ACTR3: variants seen among roughly 807,000 people sequenced by gnomAD.
The protein encoded by ACTR3 is actin-related protein 3.
A neutral mutation model predicts 56.8 loss-of-function variants in ACTR3; 12 were observed. That is an observed-to-expected ratio of 0.21 (90% CI 0.14 to 0.34). The LOEUF is 0.34. Among genes scored for constraint, ACTR3 ranks in the 10% least tolerant of loss-of-function variants. ACTR3 has a pLI of 1.00. For missense variants in ACTR3, 282 were observed against 512.5 expected (o/e 0.55, Z 4.34); for synonymous variants, 162 against 167.4 (o/e 0.97, Z 0.25).
At chr2:113,941,688 ATAGAG>A (rs1358217468) in intron 7 of ACTR3, among the ~76,000 whole-genome samples, 2 of 152,178 alleles carry the variant, frequency 1.3e-5, no homozygotes, top group Non-Finnish European at 2.9e-5. Flanking sequence ...ATGCAACAAA[ATAGAG>A]TAATTTATAT....
intron 1 of ACTR3, among the ~76,000 whole-genome samples, chr2:113,905,610 T>G (rs928150969): frequency 1.8e-4 from 27 of 152,308 alleles, no homozygotes; most frequent in Admixed American, 4.6e-4. Flanking sequence ...AACTTTTTTA[T>G]CTTCCCAAAC....
chr2:113,891,978 G>A (rs1678912847), intron 1 of ACTR3, among the ~76,000 whole-genome samples: 1 of 152,142 alleles, frequency 6.6e-6, no homozygotes, highest in Non-Finnish European at 1.5e-5. Context: ...GAGTCAGTAG[G>A]ATAGGACTTT....
chr2:113,942,600 A>T (rs577870569), intron 8 of ACTR3, among the ~76,000 whole-genome samples: 2 of 152,122 alleles, frequency 1.3e-5, no homozygotes, highest in Admixed American at 1.3e-4. Flanking sequence ...TGTGTGGCTT[A>T]TGGGGGGGTC....
At chr2:113,935,233 T>C (rs1435475958) in intron 6 of ACTR3, among the ~76,000 whole-genome samples, 6 of 148,916 alleles carry the variant, frequency 4.0e-5, no homozygotes, top group African/African-American at 1.5e-4. Flanking sequence ...TACCATACAA[T>C]TCACTTCTTT....
At chr2:113,900,305 C>T (rs925346187) in intron 1 of ACTR3, among the ~76,000 whole-genome samples, 2 of 152,160 alleles carry the variant, frequency 1.3e-5, no homozygotes, top group African/African-American at 2.4e-5. Context: ...TACCCTCAAC[C>T]CTTAGCAAAC....
rs1033162205 is a variant in ACTR3, at chr2:113,960,927, A to G, written c.*3472A>G. 3 of 152,000 alleles carry G rather than the reference A, an allele frequency of 2.0e-5. No homozygotes were observed. Among genetic ancestry groups the G allele is most frequent in the Admixed American group, 2.0e-4 (3 of 15,230 alleles). The allele number at this position is 152,000 out of a possible 1,614,324, so 9.4% of individuals were successfully genotyped here. A position where few individuals can be genotyped will look rare whatever the true frequency, so the allele number is the denominator to read the frequency against. ...ATTTCATTGTAACAGCACCTTGTATATATAGTTGGCCAAGGACAGAGTTGT... is the reference window on the plus strand; with the variant it reads ...ATTTCATTGTAACAGCACCTTGTATGTATAGTTGGCCAAGGACAGAGTTGT... On this transcript the variant is annotated 3_prime_UTR_variant, in exon 12 of 12. Coordinates refer to ENST00000263238, the MANE Select transcript of ACTR3 (RefSeq NM_005721.5).
At chr2:113,940,631 A>G (rs539548096) in intron 7 of ACTR3, among the ~76,000 whole-genome samples, 1 of 152,212 alleles carries the variant, frequency 6.6e-6, no homozygotes, top group South Asian at 2.1e-4. Flanking sequence ...CATGCAAACT[A>G]TCAAAATACT....
At chr2:113,910,702 A>G (rs1041904682) in intron 1 of ACTR3, among the ~76,000 whole-genome samples, 1 of 152,202 alleles carries the variant, frequency 6.6e-6, no homozygotes, top group East Asian at 1.9e-4. Context: ...ATTTGGTCCC[A>G]GAAGTCTTCT....
At chr2:113,894,529 G>T (rs1678968309) in intron 1 of ACTR3, among the ~76,000 whole-genome samples, 1 of 152,234 alleles carries the variant, frequency 6.6e-6, no homozygotes, top group Admixed American at 6.5e-5. Context: ...CAACAGACAT[G>T]CTCCTAGTGA....
intron 7 of ACTR3, 136 bp from the exon 8 acceptor site, chr2:113,942,037 ACAAATTTTTCTTC>A: frequency 1.6e-5 from 9 of 580,358 alleles, no homozygotes; most frequent in Non-Finnish European, 2.2e-5. Context: ...TAATATCCTA[ACAAATTTTTCTTC>A]CAGCTTAATT....
At chr2:113,922,045 T>A (rs12998616) in intron 3 of ACTR3, among the ~76,000 whole-genome samples, 3 of 152,208 alleles carry the variant, frequency 2.0e-5, no homozygotes, top group Non-Finnish European at 4.4e-5. Context: ...ATTTGCTGTC[T>A]TTCGCTACAA....
chr2:113,908,619 G>A (rs372945224), intron 1 of ACTR3, among the ~76,000 whole-genome samples: 3 of 151,320 alleles, frequency 2.0e-5, no homozygotes, highest in African/African-American at 4.9e-5. Flanking sequence ...AGATTTCTAC[G>A]GTTCTGTTCT....
At chr2:113,932,792 T>G (rs1435923868) in intron 5 of ACTR3, among the ~76,000 whole-genome samples, 2 of 152,158 alleles carry the variant, frequency 1.3e-5, no homozygotes, top group Non-Finnish European at 2.9e-5. Flanking sequence ...GATGGAATTT[T>G]TCATTTTAAG....
intron 6 of ACTR3, among the ~76,000 whole-genome samples, chr2:113,939,668 A>G (rs1429331635): frequency 2.6e-5 from 4 of 152,236 alleles, no homozygotes. Flanking sequence ...ACCATCTGAT[A>G]TAAAGTCTGC....
intron 1 of ACTR3, among the ~76,000 whole-genome samples, chr2:113,900,039 A>G (rs1679071146): frequency 6.6e-6 from 1 of 152,198 alleles, no homozygotes; most frequent in South Asian, 2.1e-4. Flanking sequence ...AGGTAAATTT[A>G]TGCACTATTA....
At chr2:113,938,561 C>A (rs1383926211) in intron 6 of ACTR3, among the ~76,000 whole-genome samples, 1 of 152,202 alleles carries the variant, frequency 6.6e-6, no homozygotes, top group African/African-American at 2.4e-5. Context: ...AGGCAATATT[C>A]TTCTGAGGAC....
Position 113,890,474 on chromosome 2 carries a change from A to C in ACTR3, c.44+151A>C, listed in dbSNP as rs980635748. Reference sequence around the variant, plus strand: ...CCGGCCAGCGAGGGGTGGGGCCCGCAGCCAGGGCCTCGCGGGTCCCCTCGT... The same window carrying C: ...CCGGCCAGCGAGGGGTGGGGCCCGCCGCCAGGGCCTCGCGGGTCCCCTCGT... On this transcript the variant is annotated intron_variant, in intron 1 of 11. Coordinates refer to ENST00000263238, the MANE Select transcript of ACTR3 (RefSeq NM_005721.5). The C allele has an allele frequency of 3.9e-6, 5 of 1,281,530 alleles. No individual in the cohort carries two copies. The African/African-American group carries it at 7.8e-5, about 20-fold the overall frequency. The allele number at this position is 1,281,530 out of a possible 1,614,324, so 79.4% of individuals were successfully genotyped here.
chr2:113,899,506 G>T (rs35308064), intron 1 of ACTR3, among the ~76,000 whole-genome samples: 11,188 of 152,234 alleles, frequency 0.073, 457 homozygotes, highest in African/African-American at 0.1. Context: ...TAGTTTCAAA[G>T]ATGAAACTAA....
At chr2:113,942,403 A>G in intron 8 of ACTR3, 44 bp downstream of exon 8, 1 of 1,311,570 alleles carries the variant, frequency 7.6e-7, no homozygotes, top group Non-Finnish European at 1.0e-6. Flanking sequence ...TCAGCAGCAA[A>G]TATGAATTAA....
Sources: allele counts gnomAD v4.1 joint callset (sites outside exome capture counted in the v4.1 genomes callset), GRCh38; gene constraint gnomAD v4.1.1; transcripts MANE v1.5; gene names NCBI Gene and HGNC (gene_info 2026-07-23, HGNC 2026-07-21).